The following GORASP1 variants were observed in gnomAD, a reference collection of about 807,000 sequenced individuals.
GORASP1 encodes golgi reassembly stacking protein 1, also known as Golgi reassembly-stacking protein 1.
Under a neutral mutation model 37.7 loss-of-function variants are expected in GORASP1, and 31 were observed. The ratio of observed to expected loss-of-function variants is 0.82; its 90% confidence interval spans 0.62 to 1.11. GORASP1 has a LOEUF of 1.11. Among genes scored for constraint, GORASP1 ranks in the 50% least tolerant of loss-of-function variants. The pLI is 0.00. For missense variants in GORASP1, 476 were observed against 560.7 expected (o/e 0.85, Z 1.53); for synonymous variants, 204 against 224.8 (o/e 0.91, Z 0.83).
intron 1 of GORASP1, chr3:39,107,158 C>T: frequency 1.9e-6 from 1 of 536,048 alleles, no homozygotes; most frequent in South Asian, 1.6e-5. Context: ...GAGTGCGTCC[C>T]GACTGGTAGT....
At position 39,098,807 on chromosome 3, in the gene GORASP1, T is replaced by C. The variant is rs1003555923; in HGVS notation, c.1003A>G (p.Thr335Ala). 6 of 1,614,126 alleles carry C rather than the reference T, an allele frequency of 3.7e-6. No individual in the cohort carries two copies. Among genetic ancestry groups the C allele is most frequent in the Non-Finnish European group, 5.1e-6 (6 of 1,180,002 alleles). ...GGCCCTGAGGTTGAGACAGCTGTGGTGGTCAGTTCTGTGGAAGAGGGCAGG... is the reference window on the plus strand; with the variant it reads ...GGCCCTGAGGTTGAGACAGCTGTGGCGGTCAGTTCTGTGGAAGAGGGCAGG... Reference protein sequence around the residue: ...PSLPSSTELTTTAVSTSGPED... With the variant: ...PSLPSSTELTATAVSTSGPED... The change falls in exon 8 of 9, where the codon ACC becomes GCC. Residue 335 changes from threonine (T) to alanine (A), a missense_variant. Physicochemically the swap from Thr to Ala is moderately conservative, Grantham distance 58. Coordinates refer to ENST00000319283, the MANE Select transcript of GORASP1 (RefSeq NM_031899.4). The surrounding 1 kb of genome is among the most constrained non-coding windows in gnomAD (Gnocchi z 4.7).
chr3:39,103,522 C>A lies in GORASP1; in HGVS notation c.95G>T (p.Gly32Val), dbSNP rs2035852180. The A allele has an allele frequency of 6.2e-7, 1 of 1,613,518 alleles. No individual in the cohort carries two copies. Among genetic ancestry groups the A allele is most frequent in the Middle Eastern group, 1.7e-4 (1 of 6,056 alleles). Residue 32 changes from glycine (G) to valine (V), a missense_variant, in exon 2 of 9, where the codon GGC becomes GTC. Physicochemically the swap from Gly to Val is moderately radical, Grantham distance 109. Coordinates refer to ENST00000319283, the MANE Select transcript of GORASP1 (RefSeq NM_031899.4). The surrounding 1 kb of genome is among the most constrained non-coding windows in gnomAD (Gnocchi z 5.2). ...VQENSPAQQAGLEPYFDFIIT... is the reference protein window; with the variant it reads ...VQENSPAQQAVLEPYFDFIIT... ...GATGAAGTCAAAGTAGGGCTCCAGG[C>A]CCGCCTGCTGGGCTGGGGAGTTCTC...
chr3:39,107,437 G>A (rs757610067), intron 1 of GORASP1, 42 bp downstream of exon 1: 49 of 1,255,276 alleles, frequency 3.9e-5, no homozygotes, highest in Non-Finnish European at 4.8e-5. Context: ...GCGGGGTTGC[G>A]GGCGCCTCGC....
chr3:39,098,535 G>A lies in GORASP1; in HGVS notation c.1070-46C>T, dbSNP rs752242549. The A allele has an allele frequency of 2.3e-5, 37 of 1,578,570 alleles. No individual in the cohort carries two copies. The South Asian group carries it at 3.1e-4, about 13-fold the overall frequency. On this transcript the variant is annotated intron_variant, in intron 8 of 8. Transcript: ENST00000319283. The surrounding 1 kb of genome is among the most constrained non-coding windows in gnomAD (Gnocchi z 4.7). ...CTGAGGAGGTCTGCAAGAACCTAGGGCCATGGTGTTAGGGCCAGTAACCCC... is the reference window on the plus strand; with the variant it reads ...CTGAGGAGGTCTGCAAGAACCTAGGACCATGGTGTTAGGGCCAGTAACCCC...
chr3:39,101,311 T>C, intron 3 of GORASP1: 5 of 616,194 alleles, frequency 8.1e-6, no homozygotes, highest in Non-Finnish European at 1.5e-5. Context: ...GGCAGTACCA[T>C]GATAAGGCTC....
At position 39,098,325 on chromosome 3, in the gene GORASP1, C is replaced by CA. The variant is rs770311814; in HGVS notation, c.1233dup (p.Glu412Ter). The CA allele has an allele frequency of 7.4e-6, 12 of 1,614,208 alleles. No individual in the cohort carries two copies. The highest frequency in any genetic ancestry group is 1.0e-5 in the Non-Finnish European group (12 of 1,180,034). On this transcript the variant is annotated frameshift_variant, in exon 9 of 9. Coordinates refer to ENST00000319283, the MANE Select transcript of GORASP1 (RefSeq NM_031899.4). LOFTEE classifies it low-confidence loss of function (END_TRUNC). The surrounding 1 kb of genome is among the most constrained non-coding windows in gnomAD (Gnocchi z 4.7). Reference sequence around the variant, plus strand: ...CCCTCTGTGCTTGCTGGTTCCTCCTCAGCCTGAGCTTCAAGCAGCTCGGCG... The same window carrying CA: ...CCCTCTGTGCTTGCTGGTTCCTCCTCAAGCCTGAGCTTCAAGCAGCTCGGCG...
In GORASP1 at chr3:39,105,469, A is replaced by G. The variant is rs777888914; in HGVS notation, c.64-1916T>C. On this transcript the variant is annotated intron_variant, in intron 1 of 8. Transcript: ENST00000319283. The surrounding 1 kb of genome is among the most constrained non-coding windows in gnomAD (Gnocchi z 5.4). ...TATGTGTCATTTAACCTTTTTAATA[A>G]CCTCAAATGACAAATGAGACCAAGT... Among the ~76,000 whole-genome samples the G allele has an allele frequency of 6.6e-6, 1 of 152,136 alleles. No homozygotes were observed. Among genetic ancestry groups the G allele is most frequent in the Non-Finnish European group, 1.5e-5 (1 of 68,026 alleles).
rs2035661015 is a variant in GORASP1, at chr3:39,100,921, A to G, written c.436-44T>C. On this transcript the variant is annotated intron_variant, in intron 4 of 8. Transcript: ENST00000319283. This position sits in a 1 kb window ranked among gnomAD's most constrained non-coding sequence, Gnocchi z 4.6. ...ACCTGAGGCCTGCTTCCAGGGCTAA[A>G]GCCTCAACAAAACCAGACACTTCTC... 2 of 1,614,010 alleles carry G rather than the reference A, an allele frequency of 1.2e-6. No homozygotes were observed. Among genetic ancestry groups the G allele is most frequent in the Non-Finnish European group, 1.7e-6 (2 of 1,179,862 alleles).
At position 39,105,645 on chromosome 3, in the gene GORASP1, C is replaced by T. The variant is rs905014621; in HGVS notation, c.63+1834G>A. Among the ~76,000 whole-genome samples the T allele has an allele frequency of 6.6e-6, 1 of 152,196 alleles. No homozygotes were observed. Among genetic ancestry groups the T allele is most frequent in the Non-Finnish European group, 1.5e-5 (1 of 68,032 alleles). On this transcript the variant is annotated intron_variant, in intron 1 of 8. Transcript: ENST00000319283. This position sits in a 1 kb window ranked among gnomAD's most constrained non-coding sequence, Gnocchi z 5.4. Reference sequence around the variant, plus strand: ...CTTCTCCAAAGTATTGGGCACGCAGCGAGGTGCCAATATTTCTAGAATGCA... The same window carrying T: ...CTTCTCCAAAGTATTGGGCACGCAGTGAGGTGCCAATATTTCTAGAATGCA...
intron 1 of GORASP1, among the ~76,000 whole-genome samples, chr3:39,106,244 T>C (rs113602083): frequency 0.014 from 2,112 of 152,298 alleles, 51 homozygotes; most frequent in African/African-American, 0.048. Flanking sequence ...AACTTTGTTT[T>C]TGTGACTGAC....
At position 39,100,708 on chromosome 3, in the gene GORASP1, AC is replaced by A; in HGVS notation, c.566+38del. The A allele has an allele frequency of 2.5e-6, 4 of 1,607,880 alleles. No homozygotes were observed. In the South Asian group the frequency reaches 4.4e-5, roughly 18 times the overall value. On this transcript the variant is annotated intron_variant, in intron 5 of 8. Coordinates refer to ENST00000319283, the MANE Select transcript of GORASP1 (RefSeq NM_031899.4). The surrounding 1 kb of genome is among the most constrained non-coding windows in gnomAD (Gnocchi z 4.6). The stretch of plus-strand genomic sequence containing the variant: ...GGTCCATGCCCAATGGTCAGGCCCC[AC>A]CCACCTGGCCCTGCAGCCCTCCAAC...
In GORASP1 at chr3:39,102,311, CGTT is replaced by C. The variant is rs2035773533; in HGVS notation, c.348+364_348+366del. Among the ~76,000 whole-genome samples, 8 of 152,124 alleles carry C rather than the reference CGTT, an allele frequency of 5.3e-5. No homozygotes were observed. Among genetic ancestry groups the C allele is most frequent in the Admixed American group, 5.2e-4 (8 of 15,280 alleles). On this transcript the variant is annotated intron_variant, in intron 3 of 8. Transcript: ENST00000319283. This position sits in a 1 kb window ranked among gnomAD's most constrained non-coding sequence, Gnocchi z 5.0. ...ATATGCAGTCCGTGGTTGACTGAAA[CGTT>C]GTCATGCAACACACACACGGAGAGA...
rs200901097 is a variant in GORASP1 at position 39,099,336 on chromosome 3, C to T, written c.916+17G>A. 6.2e-7 allele frequency: 1 copy of T among 1,612,158 alleles called. No homozygotes were observed. Among genetic ancestry groups the T allele is most frequent in the African/African-American group, 1.3e-5 (1 of 74,878 alleles). On this transcript the variant is annotated intron_variant, in intron 7 of 8. Coordinates refer to ENST00000319283, the MANE Select transcript of GORASP1 (RefSeq NM_031899.4). ...CCCAAGCCTGGGGCCCACTCCTCTC[C>T]AGGGCCTGCCCAGTACCTGGGTCCA...
At position 39,096,964 on chromosome 3, in the gene GORASP1, T is replaced by C. The variant is rs1029791665; in HGVS notation, c.*1272A>G. On this transcript the variant is annotated 3_prime_UTR_variant, in exon 9 of 9. Transcript: ENST00000319283. ...CATTCCAGCAGACTTGACACTGGGC[T>C]CCCAGACGATCCAGGACACAATGCC... The C allele has an allele frequency of 6.6e-6, 1 of 152,172 alleles. No individual in the cohort carries two copies. The highest frequency in any genetic ancestry group is 1.5e-5 in the Non-Finnish European group (1 of 68,030). 9.4% of individuals were successfully genotyped at this position (152,172 alleles called of 1,614,324 possible).
Position 39,101,100 on chromosome 3 carries a change from A to G in GORASP1, c.351T>C (p.Asp117=). ...RASEQVWHVL[D]VEPSSPAALA... ...GGGCAGCAGGTGAAGATGGTTCCAC[A>G]TCCTGGGGAAAGAACCGCAAACCAC... The change falls in exon 4 of 9, where the codon GAT becomes GAC. Residue 117 remains aspartate (D), a splice_region_variant and synonymous_variant. Transcript: ENST00000319283. 1.2e-6 allele frequency: 2 copies of G among 1,614,090 alleles called. No individual in the cohort carries two copies. The highest frequency in any genetic ancestry group is 1.7e-6 in the Non-Finnish European group (2 of 1,179,956).
rs2035761019 is a variant in GORASP1 at position 39,102,164 on chromosome 3, T to C, written c.348+514A>G. Among the ~76,000 whole-genome samples the C allele has an allele frequency of 6.6e-6, 1 of 152,184 alleles. No individual in the cohort carries two copies. Among genetic ancestry groups the C allele is most frequent in the African/African-American group, 2.4e-5 (1 of 41,442 alleles). ...TCCTAGGCTACAAACCTGCACAGCA[T>C]GTTACTATACTGAGTACTGTAGGCA... On this transcript the variant is annotated intron_variant, in intron 3 of 8. Coordinates refer to ENST00000319283, the MANE Select transcript of GORASP1 (RefSeq NM_031899.4). This position sits in a 1 kb window ranked among gnomAD's most constrained non-coding sequence, Gnocchi z 5.0.
Position 39,102,459 on chromosome 3 carries a change from T to C in GORASP1, c.348+219A>G. 5 of 597,912 alleles carry C rather than the reference T, an allele frequency of 8.4e-6. No individual in the cohort carries two copies. Among genetic ancestry groups the C allele is most frequent in the African/African-American group, 1.9e-5 (1 of 53,986 alleles). 37.0% of individuals were successfully genotyped at this position (597,912 alleles called of 1,614,324 possible). A position where few individuals can be genotyped will look rare whatever the true frequency, so the allele number is the denominator to read the frequency against. ...GAAGGTAAGAAAGTACCCAAAGTCA[T>C]GGCTAACAGGAAGCAAGATACACTG... On this transcript the variant is annotated intron_variant, in intron 3 of 8. Transcript: ENST00000319283. This position sits in a 1 kb window ranked among gnomAD's most constrained non-coding sequence, Gnocchi z 5.0.
At chr3:39,101,260 A>G (rs2035691602) in intron 3 of GORASP1, 158 bp from the exon 4 acceptor site, 1 of 673,728 alleles carries the variant, frequency 1.5e-6, no homozygotes. Flanking sequence ...TCACCCCTCC[A>G]TTCCCCTATC....
rs984749274 is a variant in GORASP1, at chr3:39,100,565, A to G, written c.567-62T>C. 1.6e-5 allele frequency: 24 copies of G among 1,498,096 alleles called. No homozygotes were observed. Among genetic ancestry groups the G allele is most frequent in the Non-Finnish European group, 2.2e-5 (24 of 1,115,464 alleles). 92.8% of individuals were successfully genotyped at this position (1,498,096 alleles called of 1,614,324 possible). A position where few individuals can be genotyped will look rare whatever the true frequency, so the allele number is the denominator to read the frequency against. On this transcript the variant is annotated intron_variant, in intron 5 of 8. Transcript: ENST00000319283. The surrounding 1 kb of genome is among the most constrained non-coding windows in gnomAD (Gnocchi z 4.6). ...TCCCACGGCCCTCCCTACCTTTGCT[A>G]TCCCCACCTACTACCAGCAATAAGG...
Sources: gnomAD v4.1 joint callset for allele counts (sites outside exome capture counted in the v4.1 genomes callset) on GRCh38, gnomAD v4.1.1 for gene constraint, Gnocchi (gnomAD v3.1) non-coding constraint, MANE v1.5 for transcripts, NCBI Gene and HGNC (gene_info 2026-07-23, HGNC 2026-07-21) for gene names.